FREM3: variants seen among roughly 807,000 people sequenced by gnomAD.
FREM3 encodes the protein FRAS1-related extracellular matrix protein 3.
FREM3 carries 105 observed loss-of-function variants against 129.1 expected under a neutral mutation model. The observed-to-expected ratio is 0.81, with a 90% confidence interval of 0.69 to 0.96. The LOEUF is 0.96. FREM3 is among the 40% of genes least tolerant of loss of function. The probability of loss-of-function intolerance (pLI) is 0.00; values close to 1 mark genes in which losing one functional copy is unlikely to be tolerated. For missense variants in FREM3, 2,593 were observed against 2,666.3 expected (o/e 0.97, Z 0.61); for synonymous variants, 1,014 against 1,044.9 (o/e 0.97, Z 0.57).
chr4:143,623,253 T>G (rs915918450), intron 4 of FREM3, among the ~76,000 whole-genome samples: 2 of 152,172 alleles, frequency 1.3e-5, no homozygotes, highest in African/African-American at 4.8e-5. Context: ...GGATGAAATT[T>G]GGAATAGTTC....
chr4:143,625,787 A>C (rs1465074927), intron 3 of FREM3, among the ~76,000 whole-genome samples: 1 of 152,224 alleles, frequency 6.6e-6, no homozygotes, highest in Non-Finnish European at 1.5e-5. Context: ...ATTTTGGGAG[A>C]GGCAAACAGA....
chr4:143,590,589 T>C (rs926782404), intron 6 of FREM3, among the ~76,000 whole-genome samples: 17 of 152,214 alleles, frequency 1.1e-4, no homozygotes, highest in South Asian at 2.1e-4. Flanking sequence ...GGATGAAGCC[T>C]ACTTGATCAT....
At chr4:143,611,062 A>C (rs909530431) in intron 6 of FREM3, among the ~76,000 whole-genome samples, 12 of 123,790 alleles carry the variant, frequency 9.7e-5, no homozygotes, top group African/African-American at 6.8e-4. Flanking sequence ...GTGTCAAGTA[A>C]AGTCGTACCC....
chr4:143,590,323 A>G (rs982984543), intron 6 of FREM3, among the ~76,000 whole-genome samples: 1 of 152,206 alleles, frequency 6.6e-6, no homozygotes, highest in African/African-American at 2.4e-5. Flanking sequence ...GCCAGTTTTC[A>G]AAGGGAATGT....
intron 2 of FREM3, among the ~76,000 whole-genome samples, chr4:143,685,676 A>G (rs1185641469): frequency 1.3e-5 from 2 of 152,240 alleles, no homozygotes; most frequent in Non-Finnish European, 2.9e-5. Flanking sequence ...TCACATTTCA[A>G]TACTTACATT....
intron 2 of FREM3, among the ~76,000 whole-genome samples, chr4:143,685,891 A>G (rs1417244296): frequency 6.6e-6 from 1 of 152,216 alleles, no homozygotes; most frequent in African/African-American, 2.4e-5. Flanking sequence ...GAGGGATGGC[A>G]TTAGGAGAAA....
Position 143,679,246 on chromosome 4 carries a change from G to C in FREM3, c.5275+13867C>G, listed in dbSNP as rs146813171. Among the ~76,000 whole-genome samples, 78 of 152,286 alleles carry C rather than the reference G, an allele frequency of 5.1e-4. 1 individual carries two copies. In the East Asian group the frequency reaches 0.012, roughly 24 times the overall value. On this transcript the variant is annotated intron_variant, in intron 2 of 7. Transcript: ENST00000329798. ...TTCACTTGGAGGTACAATTACCAAT[G>C]CTAAAAAGAAGGTTACGAGTGTGCC... is the stretch of plus-strand genomic sequence containing the variant.
At chr4:143,693,788 TTTG>T (rs1057066078) in intron 1 of FREM3, among the ~76,000 whole-genome samples, 3 of 152,198 alleles carry the variant, frequency 2.0e-5, no homozygotes, top group African/African-American at 7.2e-5. Flanking sequence ...GATCATGTCT[TTTG>T]TTGTTCTTCT....
intron 2 of FREM3, among the ~76,000 whole-genome samples, chr4:143,664,426 G>T (rs1203096464): frequency 1.3e-5 from 2 of 152,132 alleles, no homozygotes; most frequent in East Asian, 1.9e-4. Flanking sequence ...GAATGCTGCT[G>T]TCTGATCGTT....
chr4:143,611,945 A>G (rs1366594896), intron 5 of FREM3, among the ~76,000 whole-genome samples: 1 of 152,206 alleles, frequency 6.6e-6, no homozygotes. Flanking sequence ...AGCTGTGAGC[A>G]GCATCTATGT....
intron 2 of FREM3, among the ~76,000 whole-genome samples, chr4:143,655,726 A>C (rs1422078909): frequency 6.6e-6 from 1 of 152,170 alleles, no homozygotes; most frequent in African/African-American, 2.4e-5. Flanking sequence ...TGCTTCTCAA[A>C]CCTTACAGCC....
intron 2 of FREM3, among the ~76,000 whole-genome samples, chr4:143,662,508 C>G (rs1043519808): frequency 1.4e-5 from 2 of 143,336 alleles, no homozygotes; most frequent in Non-Finnish European, 3.1e-5. Context: ...TTACTTCCAA[C>G]TATGTGGTCA....
chr4:143,649,874 C>G lies in FREM3; in HGVS notation c.5276-22114G>C, dbSNP rs111239603. ...GAATGTTTCAGGACCAGTTGAGGAC[C>G]CTTTGCATAAAATTTAAGAACAAAT... is the stretch of plus-strand genomic sequence containing the variant. On this transcript the variant is annotated intron_variant, in intron 2 of 7. Transcript: ENST00000329798. Among the ~76,000 whole-genome samples the G allele has an allele frequency of 2.0e-5, 3 of 152,188 alleles. No individual in the cohort carries two copies. The East Asian group carries it at 5.8e-4, about 29-fold the overall frequency.
At chr4:143,604,910 A>G (rs567967338) in intron 6 of FREM3, among the ~76,000 whole-genome samples, 1 of 152,306 alleles carries the variant, frequency 6.6e-6, no homozygotes, top group Admixed American at 6.5e-5. Context: ...ACACTGAACT[A>G]TGAATCTTCC....
At chr4:143,657,605 AT>A (rs1304341891) in intron 2 of FREM3, among the ~76,000 whole-genome samples, 2 of 152,192 alleles carry the variant, frequency 1.3e-5, no homozygotes, top group East Asian at 3.8e-4. Flanking sequence ...AGTGATCTGA[AT>A]TGTAGCACTT....
At chr4:143,587,980 C>G (rs564467825) in intron 6 of FREM3, among the ~76,000 whole-genome samples, 1 of 152,180 alleles carries the variant, frequency 6.6e-6, no homozygotes, top group Non-Finnish European at 1.5e-5. Flanking sequence ...TTCCTGCATC[C>G]TCTGCCTTGA....
chr4:143,690,124 C>T (rs990305214), intron 2 of FREM3, among the ~76,000 whole-genome samples: 23 of 151,594 alleles, frequency 1.5e-4, no homozygotes, highest in African/African-American at 4.8e-4. Context: ...GACAGATTTG[C>T]GTTGGTTCAA....
chr4:143,589,507 C>T (rs979676065), intron 6 of FREM3, among the ~76,000 whole-genome samples: 81 of 152,176 alleles, frequency 5.3e-4, no homozygotes, highest in Non-Finnish European at 9.4e-4. Flanking sequence ...AATCCTTTCC[C>T]CATTGCTTGT....
chr4:143,698,807 TGA>T lies in FREM3; in HGVS notation c.1867_1868del (p.Ser623AsnfsTer2), dbSNP rs1740631904. 6.5e-7 allele frequency: 1 copy of T among 1,537,516 alleles called. No homozygotes were observed. Among genetic ancestry groups the T allele is most frequent in the Non-Finnish European group, 8.7e-7 (1 of 1,147,012 alleles). ...LLLQQAELPL[S>X]TEDEDWHYME... ...TGTAGTGCCAGTCTTCATCTTCAGT[TGA>T]GAGAGGTAGTTCAGCCTGCTGCAGC... is the stretch of plus-strand genomic sequence containing the variant. On this transcript the variant is annotated frameshift_variant, in exon 1 of 8. Coordinates refer to ENST00000329798, the MANE Select transcript of FREM3 (RefSeq NM_001168235.2). LOFTEE classifies it high-confidence loss of function.
Sources: allele counts gnomAD v4.1 joint callset (sites outside exome capture counted in the v4.1 genomes callset), GRCh38; gene constraint gnomAD v4.1.1; transcripts MANE v1.5; gene names NCBI Gene and HGNC (gene_info 2026-07-23, HGNC 2026-07-21).